RASA2: variants seen among roughly 807,000 people sequenced by gnomAD.
The protein encoded by RASA2 is ras GTPase-activating protein 2.
A neutral mutation model predicts 118.2 loss-of-function variants in RASA2; 155 were observed. The observed-to-expected ratio is 1.31, with a 90% CI of 1.15 to 1.50. The LOEUF (loss-of-function observed/expected upper bound fraction) is 1.50. Ranked by LOEUF, RASA2 falls within the 40% of genes most tolerant of loss-of-function variation. The probability of loss-of-function intolerance (pLI) is 0.00; values close to 1 mark genes in which losing one functional copy is unlikely to be tolerated. For missense variants in RASA2, 1,016 were observed against 1,009.6 expected, an observed-to-expected ratio of 1.01 and a Z score of -0.09; for synonymous variants, 353 against 349.1, an observed-to-expected ratio of 1.01 and a Z score of -0.12.
At chr3:141,551,393 G>A (rs897304584) in intron 5 of RASA2, among the ~76,000 whole-genome samples, 2 of 152,110 alleles carry the variant, frequency 1.3e-5, no homozygotes, top group African/African-American at 4.8e-5. Context: ...AGGAACTATT[G>A]CCTCTATTCT....
In RASA2 at chr3:141,609,758, G is replaced by T. The variant is rs539458643; in HGVS notation, c.2330-119G>T. 7.3e-6 allele frequency: 7 copies of T among 957,368 alleles called. No individual in the cohort carries two copies. In the African/African-American group the frequency reaches 8.4e-5, roughly 12 times the overall value. The allele number at this position is 957,368 out of a possible 1,614,324, so 59.3% of individuals were successfully genotyped here. ...AAAATGTATATATTTTAGTTATCTC[G>T]GCTCTGCCAAGGGAAATCCCCTCAG... is the stretch of plus-strand genomic sequence containing the variant. On this transcript the variant is annotated intron_variant, in intron 22 of 23. Transcript: ENST00000286364.
chr3:141,535,067 T>G (rs2151098080), intron 4 of RASA2, among the ~76,000 whole-genome samples: 1 of 152,316 alleles, frequency 6.6e-6, no homozygotes, highest in East Asian at 1.9e-4. Flanking sequence ...TTTTACAAAT[T>G]GCAGGTTTGT....
At chr3:141,487,965 C>G (rs2081599050) in intron 1 of RASA2, among the ~76,000 whole-genome samples, 1 of 152,162 alleles carries the variant, frequency 6.6e-6, no homozygotes. Context: ...GGTCTCAAAA[C>G]ACAATCACCC....
At chr3:141,489,176 T>C (rs1049056945) in intron 1 of RASA2, among the ~76,000 whole-genome samples, 1 of 152,252 alleles carries the variant, frequency 6.6e-6, no homozygotes, top group African/African-American at 2.4e-5. Context: ...GTCAGTTTCT[T>C]GCTTTTTAAA....
chr3:141,553,016 A>G (rs1560026997), intron 5 of RASA2, among the ~76,000 whole-genome samples: 1 of 152,202 alleles, frequency 6.6e-6, no homozygotes, highest in African/African-American at 2.4e-5. Flanking sequence ...AATGCCAACA[A>G]CTGTGAGCCA....
intron 2 of RASA2, among the ~76,000 whole-genome samples, chr3:141,515,275 C>G (rs79583300): frequency 6.6e-6 from 1 of 151,424 alleles, no homozygotes; most frequent in African/African-American, 2.4e-5. Flanking sequence ...TTGAAGTAGC[C>G]TTTCACATAA....
chr3:141,549,469 A>G (rs1203098414), intron 5 of RASA2, among the ~76,000 whole-genome samples: 2 of 142,032 alleles, frequency 1.4e-5, no homozygotes, highest in African/African-American at 2.7e-5. Flanking sequence ...AGGAGTGTGT[A>G]TGAGTGTGTG....
chr3:141,506,461 T>C (rs1577651677), intron 1 of RASA2, among the ~76,000 whole-genome samples: 1 of 152,246 alleles, frequency 6.6e-6, no homozygotes, highest in East Asian at 1.9e-4. Context: ...CCATTTTTAT[T>C]ATTTCAGCTG....
At chr3:141,502,943 A>T in intron 1 of RASA2, among the ~76,000 whole-genome samples, 1 of 152,212 alleles carries the variant, frequency 6.6e-6, no homozygotes, top group East Asian at 1.9e-4. Context: ...TGTATTCAGA[A>T]AGACCTTAAG....
rs117355202 is a variant in RASA2, at chr3:141,585,190, C to T, written c.1753-835C>T. ...AAAAGTATTTCAGAATTCAGTTTTT[C>T]AGAGTTTCAAAAGGTAATCAGTATA... On this transcript the variant is annotated intron_variant, in intron 17 of 23. Coordinates refer to ENST00000286364, the MANE Select transcript of RASA2 (RefSeq NM_006506.5). 2.8e-3 allele frequency among the ~76,000 whole-genome samples: 425 copies of T among 152,194 alleles called. 14 individuals carry two copies. In the East Asian group the frequency reaches 0.046, roughly 17 times the overall value.
intron 19 of RASA2, among the ~76,000 whole-genome samples, chr3:141,598,095 A>G (rs1163573200): frequency 1.3e-5 from 2 of 152,212 alleles, no homozygotes; most frequent in African/African-American, 4.8e-5. Flanking sequence ...AAATAGCTTT[A>G]CTGGTAAAGT....
intron 17 of RASA2, among the ~76,000 whole-genome samples, chr3:141,583,554 C>T (rs1577785960): frequency 6.6e-6 from 1 of 152,166 alleles, no homozygotes; most frequent in Non-Finnish European, 1.5e-5. Context: ...CTGGGAGAGT[C>T]GATGCTGTGA....
chr3:141,579,248 G>T (rs994656435), intron 15 of RASA2, among the ~76,000 whole-genome samples: 1 of 152,106 alleles, frequency 6.6e-6, no homozygotes, highest in Non-Finnish European at 1.5e-5. Context: ...AATAAAAATG[G>T]TCTGTGTTTT....
chr3:141,540,227 A>G (rs2082386972), intron 4 of RASA2, among the ~76,000 whole-genome samples: 1 of 152,176 alleles, frequency 6.6e-6, no homozygotes, highest in African/African-American at 2.4e-5. Context: ...TTTTATCTCA[A>G]AATTTCCTTA....
In RASA2 at chr3:141,487,161, CG is replaced by C; in HGVS notation, c.82del (p.Asp28ThrfsTer32). On this transcript the variant is annotated frameshift_variant, in exon 1 of 24. Coordinates refer to ENST00000286364, the MANE Select transcript of RASA2 (RefSeq NM_006506.5). LOFTEE classifies it high-confidence loss of function. ...CGAGTGCGACTGCAGAGCCCGAGGCCGGGGACCAGGACAGTCGCGAGGTTCG... is the reference window on the plus strand; with the variant it reads ...CGAGTGCGACTGCAGAGCCCGAGGCCGGGACCAGGACAGTCGCGAGGTTCG... ...AASATAEPEAGDQDSREVRVL... is the reference protein window; with the variant it reads ...AASATAEPEAXDQDSREVRVL... The C allele has an allele frequency of 2.7e-6, 4 of 1,469,452 alleles. No individual in the cohort carries two copies. The highest frequency in any genetic ancestry group is 9.1e-7 in the Non-Finnish European group (1 of 1,102,950). The allele number at this position is 1,469,452 out of a possible 1,614,324, so 91.0% of individuals were successfully genotyped here. A position where few individuals can be genotyped will look rare whatever the true frequency, so the allele number is the denominator to read the frequency against.
chr3:141,588,375 C>T (rs2083238636), intron 19 of RASA2, among the ~76,000 whole-genome samples: 1 of 152,128 alleles, frequency 6.6e-6, no homozygotes, highest in African/African-American at 2.4e-5. Flanking sequence ...AGCAAAACAG[C>T]CTAACCGATG....
At chr3:141,528,929 C>T (rs191888786) in intron 3 of RASA2, among the ~76,000 whole-genome samples, 2 of 151,854 alleles carry the variant, frequency 1.3e-5, no homozygotes, top group African/African-American at 2.4e-5. Context: ...GTGTAGAATC[C>T]TGGAATAAAT....
intron 15 of RASA2, among the ~76,000 whole-genome samples, chr3:141,580,085 A>AAATATATATATAT (rs1553797703): frequency 5.0e-5 from 3 of 59,598 alleles, no homozygotes; most frequent in Admixed American, 2.5e-4. Context: ...AAAAAAAAAA[A>AAATATATATATAT]ATATATATAT....
chr3:141,600,061 A>G (rs2083439909), intron 19 of RASA2, among the ~76,000 whole-genome samples: 1 of 152,222 alleles, frequency 6.6e-6, no homozygotes, highest in Non-Finnish European at 1.5e-5. Context: ...ATATTTTTCT[A>G]CAGCAGTAAC....
Sources: gnomAD v4.1 joint callset for allele counts (sites outside exome capture counted in the v4.1 genomes callset) on GRCh38, gnomAD v4.1.1 for gene constraint, MANE v1.5 for transcripts, NCBI Gene and HGNC (gene_info 2026-07-23, HGNC 2026-07-21) for gene names.